Variants in FAHD2B observed in about 807,000 individuals in gnomAD.
FAHD2B encodes fumarylacetoacetate hydrolase domain containing 2B, also known as oxaloacetate tautomerase FAHD2B, mitochondrial.
Under a neutral mutation model 33.7 loss-of-function variants are expected in FAHD2B, and 26 were observed. The observed-to-expected ratio is 0.77, with a 90% CI of 0.57 to 1.07. The LOEUF is 1.07. Ranked by LOEUF, FAHD2B falls within the 50% of genes least tolerant of loss-of-function variation. The pLI is 0.00. For missense variants in FAHD2B, 272 were observed against 388.1 expected (o/e 0.70, Z 2.51); for synonymous variants, 108 against 150.9 (o/e 0.72, Z 2.08).
rs1457392860 is a variant in FAHD2B, at chr2:97,090,285, C to A, written c.286G>T (p.Val96Leu). ...AQLPVLPWSE[V>L]TFLAPVTWPD... ...CATGTGACTGGAGCCAGGAAGGTTA[C>A]CTCCGACCATGGTAGGACTGGCAAC... Residue 96 changes from valine (V) to leucine (L), a missense_variant, in exon 4 of 9, where the codon GTA becomes TTA. Physicochemically the swap from Val to Leu is conservative, Grantham distance 32 (BLOSUM62 1). Transcript: ENST00000414820. 1 of 1,613,606 alleles carries A rather than the reference C, an allele frequency of 6.2e-7. No individual in the cohort carries two copies. The highest frequency in any genetic ancestry group is 1.7e-5 in the Admixed American group (1 of 59,878).
rs1177902137 is a variant in FAHD2B at position 97,084,177 on chromosome 2, C to G, written c.786G>C (p.Trp262Cys). Residue 262 changes from tryptophan (W) to cysteine (C), a missense_variant, in exon 7 of 9, where the codon TGG becomes TGC. Coordinates refer to ENST00000414820, the MANE Select transcript of FAHD2B (RefSeq NM_001320848.2). ...CAGCCCTTGTCACTCACTGGGAGAC[C>G]CAGGCTATCAGGTCCTCTGTCTTGA... is the stretch of plus-strand genomic sequence containing the variant. Reference protein sequence around the residue: ...MVFKTEDLIAWVSQFVTFYPG... With the variant: ...MVFKTEDLIACVSQFVTFYPG... The G allele has an allele frequency of 6.2e-7, 1 of 1,613,770 alleles. No homozygotes were observed. The highest frequency in any genetic ancestry group is 8.5e-7 in the Non-Finnish European group (1 of 1,179,850).
chr2:97,085,709 G>A lies in FAHD2B; in HGVS notation c.675C>T (p.Asp225=). The A allele has an allele frequency of 6.2e-7, 1 of 1,613,814 alleles. No individual in the cohort carries two copies. The highest frequency in any genetic ancestry group is 8.5e-7 in the Non-Finnish European group (1 of 1,179,840). Reference sequence around the variant, plus strand: ...GGACCAGGGACCTACCTGCTACACTGTCCTTGGTCACCAAGGCAGGGCCCA... The same window carrying A: ...GGACCAGGGACCTACCTGCTACACTATCCTTGGTCACCAAGGCAGGGCCCA... ...CPLGPALVTK[D]SVADPHNLKI... The change falls in exon 6 of 9, where the codon GAC becomes GAT. Residue 225 remains aspartate (D), a synonymous_variant. Coordinates refer to ENST00000414820, the MANE Select transcript of FAHD2B (RefSeq NM_001320848.2).
chr2:97,082,770 C>T (rs1366809335), downstream of FAHD2B: 4 of 1,484,554 alleles, frequency 2.7e-6, no homozygotes, highest in African/African-American at 5.5e-5. Context: ...TGAGAGGAGC[C>T]AGTGTCACCA....
chr2:97,084,897 A>G (rs1052860582), intron 6 of FAHD2B, among the ~76,000 whole-genome samples: 1 of 141,788 alleles, frequency 7.1e-6, no homozygotes, highest in Non-Finnish European at 1.5e-5. Flanking sequence ...TGGGTGACAC[A>G]GTAAGACCAT....
At chr2:97,091,153 C>T (rs914674995) in intron 3 of FAHD2B, among the ~76,000 whole-genome samples, 2 of 84,660 alleles carry the variant, frequency 2.4e-5, no homozygotes, top group African/African-American at 3.3e-5. Flanking sequence ...GGCCCAGACC[C>T]GTCAGTCAGT....
At chr2:97,094,413 C>G (rs960890283) in intron 1 of FAHD2B, among the ~76,000 whole-genome samples, 7 of 130,804 alleles carry the variant, frequency 5.4e-5, no homozygotes, top group Non-Finnish European at 9.6e-5. Context: ...AGTCCGAGCT[C>G]AATCCAACTC....
intron 1 of FAHD2B, among the ~76,000 whole-genome samples, chr2:97,094,233 C>T (rs1403122307): frequency 6.6e-6 from 1 of 152,058 alleles, no homozygotes; most frequent in Non-Finnish European, 1.5e-5. Flanking sequence ...CTGTTCCCTT[C>T]CCACATGACA....
chr2:97,083,686 G>A lies in FAHD2B; in HGVS notation c.*69C>T, dbSNP rs1046379065. The A allele has an allele frequency of 5.0e-6, 8 of 1,612,758 alleles. No individual in the cohort carries two copies. The Admixed American group carries it at 1.3e-4, about 27-fold the overall frequency. Reference sequence around the variant, plus strand: ...TGGCACCTGCCCACACCTGCCACTGGGCCTTTCCCTGGGCTAGGCTGAGTG... The same window carrying A: ...TGGCACCTGCCCACACCTGCCACTGAGCCTTTCCCTGGGCTAGGCTGAGTG... On this transcript the variant is annotated 3_prime_UTR_variant, in exon 9 of 9. Transcript: ENST00000414820.
downstream of FAHD2B, among the ~76,000 whole-genome samples, chr2:97,079,859 T>C (rs1185593529): frequency 1.3e-5 from 2 of 151,964 alleles, no homozygotes; most frequent in Non-Finnish European, 2.9e-5. Flanking sequence ...GAGATGTGGT[T>C]TCATCATGTT....
chr2:97,084,607 A>T (rs181270190), intron 6 of FAHD2B, among the ~76,000 whole-genome samples: 2 of 152,168 alleles, frequency 1.3e-5, no homozygotes, highest in East Asian at 3.9e-4. Context: ...CTGTAGATAC[A>T]AAAATGACTC....
intron 4 of FAHD2B, among the ~76,000 whole-genome samples, chr2:97,087,178 A>C (rs2032043847): frequency 6.6e-6 from 1 of 151,830 alleles, no homozygotes. Flanking sequence ...CAGCCTCCCG[A>C]GTAGCTGGGA....
chr2:97,090,613 C>T (rs991739968), intron 3 of FAHD2B, among the ~76,000 whole-genome samples: 3 of 152,058 alleles, frequency 2.0e-5, no homozygotes, highest in Non-Finnish European at 4.4e-5. Context: ...TTCTGGTTAC[C>T]CCGTTCCCCT....
At chr2:97,093,471 CTTT>C (rs34927915) in intron 1 of FAHD2B, among the ~76,000 whole-genome samples, 14 of 92,090 alleles carry the variant, frequency 1.5e-4, no homozygotes, top group African/African-American at 2.3e-4. Context: ...TGATTTAATT[CTTT>C]TTTTTTTTTT....
chr2:97,091,985 T>C lies in FAHD2B; in HGVS notation c.-129A>G, dbSNP rs954703918. On this transcript the variant is annotated 5_prime_UTR_variant, in exon 2 of 9. Coordinates refer to ENST00000414820, the MANE Select transcript of FAHD2B (RefSeq NM_001320848.2). ...TCTGAAAGTTCCCACTGTGCTTGGCTCTGCTGTAGGTATTGGGGAAACAAT... is the reference window on the plus strand; with the variant it reads ...TCTGAAAGTTCCCACTGTGCTTGGCCCTGCTGTAGGTATTGGGGAAACAAT... 8.8e-5 allele frequency: 35 copies of C among 397,934 alleles called. No homozygotes were observed. The highest frequency in any genetic ancestry group is 1.5e-4 in the Non-Finnish European group (33 of 220,272). The allele number at this position is 397,934 out of a possible 1,614,324, so 24.7% of individuals were successfully genotyped here. A position where few individuals can be genotyped will look rare whatever the true frequency, so the allele number is the denominator to read the frequency against.
Position 97,090,262 on chromosome 2 carries a change from T to C in FAHD2B, c.309A>G (p.Thr103=), listed in dbSNP as rs1335428036. ...WSEVTFLAPV[T]WPDKVVCVGM... ...CCACACACACCACCTTATCTGGCCA[T>C]GTGACTGGAGCCAGGAAGGTTACCT... Residue 103 remains threonine (T), a synonymous_variant, in exon 4 of 9, where the codon ACA becomes ACG. Coordinates refer to ENST00000414820, the MANE Select transcript of FAHD2B (RefSeq NM_001320848.2). 1 of 1,613,106 alleles carries C rather than the reference T, an allele frequency of 6.2e-7. No individual in the cohort carries two copies. Among genetic ancestry groups the C allele is most frequent in the Middle Eastern group, 1.7e-4 (1 of 6,048 alleles).
downstream of FAHD2B, chr2:97,081,494 C>T (rs1484786452): frequency 1.2e-5 from 19 of 1,579,962 alleles, 1 homozygote; most frequent in Middle Eastern, 2.0e-4. Context: ...TCATCCAATG[C>T]GGGCTCCTGG....
At chr2:97,085,409 T>C (rs1015007448) in intron 6 of FAHD2B, among the ~76,000 whole-genome samples, 1 of 150,958 alleles carries the variant, frequency 6.6e-6, no homozygotes, top group East Asian at 1.9e-4. Flanking sequence ...TTATTTCAGA[T>C]GGTGGCAGCC....
At chr2:97,088,683 A>C (rs1203226627) in intron 4 of FAHD2B, among the ~76,000 whole-genome samples, 2 of 152,224 alleles carry the variant, frequency 1.3e-5, no homozygotes, top group East Asian at 3.9e-4. Context: ...AAAACTACTA[A>C]AGAGATATAA....
downstream of FAHD2B, among the ~76,000 whole-genome samples, chr2:97,079,671 C>CT (rs1036092146): frequency 3.3e-3 from 475 of 143,804 alleles, 5 homozygotes; most frequent in African/African-American, 6.5e-3. Flanking sequence ...CTTTTCTTTT[C>CT]TTTTTTTTTT....
Sources: gnomAD v4.1 joint callset for allele counts (sites outside exome capture counted in the v4.1 genomes callset) on GRCh38, gnomAD v4.1.1 for gene constraint, MANE v1.5 for transcripts, NCBI Gene and HGNC (gene_info 2026-07-23, HGNC 2026-07-21) for gene names.